Variants in NR1H4 observed in about 807,000 individuals in gnomAD.
NR1H4 encodes the protein bile acid receptor.
In NR1H4, 23 loss-of-function variants were observed where a neutral mutation model predicts 58.5. That is an observed-to-expected ratio of 0.39 (90% CI 0.28 to 0.56). The LOEUF (loss-of-function observed/expected upper bound fraction) is 0.56, where lower values mean the gene tolerates loss of function less well. Among genes scored for constraint, NR1H4 ranks in the 20% least tolerant of loss-of-function variants. The pLI is 0.58. For missense variants in NR1H4, 487 were observed against 576.9 expected, an observed-to-expected ratio of 0.84 and a Z score of 1.60; for synonymous variants, 214 against 198.0, an observed-to-expected ratio of 1.08 and a Z score of -0.68.
At position 100,496,046 on chromosome 12, in the gene NR1H4, G is replaced by A. The variant is rs1359976691; in HGVS notation, c.79+2644G>A. 2.0e-5 allele frequency among the ~76,000 whole-genome samples: 3 copies of A among 152,122 alleles called. No homozygotes were observed. The South Asian group carries it at 6.2e-4, about 32-fold the overall frequency. ...GGTTAACTGTGTATTGAAAACAGCA[G>A]TCATGTTGTTATAATAAAGGCAAAC... On this transcript the variant is annotated intron_variant, in intron 3 of 10. Coordinates refer to ENST00000392986, the MANE Select transcript of NR1H4 (RefSeq NM_001206979.2).
intron 1 of NR1H4, among the ~76,000 whole-genome samples, chr12:100,486,917 A>G (rs2136088912): frequency 6.6e-6 from 1 of 152,330 alleles, no homozygotes; most frequent in South Asian, 2.1e-4. Context: ...CTTTTTAGGT[A>G]AAGGTAATTT....
intron 1 of NR1H4, among the ~76,000 whole-genome samples, chr12:100,484,570 C>T (rs932358935): frequency 6.6e-6 from 1 of 152,154 alleles, no homozygotes. Flanking sequence ...CCTCCTTTCA[C>T]CAATACCCAA....
intron 1 of NR1H4, among the ~76,000 whole-genome samples, chr12:100,489,771 CT>C (rs988215523): frequency 6.6e-6 from 1 of 152,076 alleles, no homozygotes; most frequent in African/African-American, 2.4e-5. Context: ...GCTGGGAAGA[CT>C]TTTTTTCAGT....
At chr12:100,479,192 G>T (rs530845010) in intron 1 of NR1H4, among the ~76,000 whole-genome samples, 20 of 152,026 alleles carry the variant, frequency 1.3e-4, no homozygotes, top group African/African-American at 4.6e-4. Flanking sequence ...AGCTTTGTTT[G>T]TGATGCCTTA....
chr12:100,562,102 G>A (rs1229825768), intron 10 of NR1H4, 104 bp downstream of exon 10: 3 of 667,658 alleles, frequency 4.5e-6, no homozygotes, highest in Non-Finnish European at 8.0e-6. Context: ...TAAAGAAAAA[G>A]TAAAGTAGCC....
intron 3 of NR1H4, among the ~76,000 whole-genome samples, chr12:100,500,833 C>T (rs767304278): frequency 5.3e-5 from 8 of 152,156 alleles, no homozygotes; most frequent in Non-Finnish European, 1.2e-4. Flanking sequence ...CTTCCCCAGC[C>T]ATGCAGAACT....
intron 4 of NR1H4, among the ~76,000 whole-genome samples, chr12:100,520,229 C>T (rs768712565): frequency 2.6e-5 from 4 of 152,134 alleles, no homozygotes; most frequent in Admixed American, 6.6e-5. Flanking sequence ...AAAGGGAGCA[C>T]GGGCTTTGCG....
intron 4 of NR1H4, among the ~76,000 whole-genome samples, chr12:100,515,161 A>G (rs1164077713): frequency 1.4e-5 from 2 of 147,942 alleles, no homozygotes; most frequent in Non-Finnish European, 3.0e-5. Flanking sequence ...CCATTTTGTC[A>G]AAGCTTTTTT....
chr12:100,506,301 A>G (rs546008905), intron 3 of NR1H4, among the ~76,000 whole-genome samples: 2 of 152,250 alleles, frequency 1.3e-5, no homozygotes, highest in South Asian at 2.1e-4. Context: ...TCCCATTTTT[A>G]TAGGAGAGAT....
intron 9 of NR1H4, among the ~76,000 whole-genome samples, chr12:100,550,735 A>G (rs1299490729): frequency 9.8e-5 from 15 of 152,322 alleles, no homozygotes; most frequent in African/African-American, 3.6e-4. Context: ...TGTTCTGTCC[A>G]TTTCAAATAT....
intron 9 of NR1H4, among the ~76,000 whole-genome samples, chr12:100,548,237 C>T (rs1017944785): frequency 3.3e-5 from 5 of 150,894 alleles, no homozygotes; most frequent in East Asian, 4.0e-4. Flanking sequence ...CATGGTGGCA[C>T]GCACCTGTAG....
chr12:100,474,125 T>G (rs562805327), intron 1 of NR1H4, 66 bp downstream of exon 1: 1 of 152,290 alleles, frequency 6.6e-6, no homozygotes, highest in East Asian at 1.9e-4. Context: ...AATAGTCACT[T>G]AAAAGTTTCT....
In NR1H4 at chr12:100,540,806, AT is replaced by A; in HGVS notation, c.1068del (p.Arg357GlufsTer10). ...GCATTCTGACCTATTGGAAGAAAGA[AT>A]TCGAAATAGTGGTAAGTGATTTGGC... ...SGHSDLLEERIRNSGISDEYI... is the reference protein window; with the variant it reads ...SGHSDLLEERXRNSGISDEYI... On this transcript the variant is annotated frameshift_variant, in exon 9 of 11. Coordinates refer to ENST00000392986, the MANE Select transcript of NR1H4 (RefSeq NM_001206979.2). LOFTEE classifies it high-confidence loss of function. 6.2e-7 allele frequency: 1 copy of A among 1,614,120 alleles called. No homozygotes were observed. Among genetic ancestry groups the A allele is most frequent in the Non-Finnish European group, 8.5e-7 (1 of 1,179,980 alleles).
At chr12:100,507,616 C>A (rs566359378) in intron 3 of NR1H4, among the ~76,000 whole-genome samples, 1 of 152,214 alleles carries the variant, frequency 6.6e-6, no homozygotes, top group East Asian at 1.9e-4. Flanking sequence ...GTGTGCACCA[C>A]CAAGCCCAGC....
rs1343864208 is a variant in NR1H4, at chr12:100,564,379, C to T, written c.*890C>T. The T allele has an allele frequency of 6.6e-6, 1 of 152,142 alleles. No individual in the cohort carries two copies. The highest frequency in any genetic ancestry group is 1.5e-5 in the Non-Finnish European group (1 of 68,024). The allele number at this position is 152,142 out of a possible 1,614,324, so 9.4% of individuals were successfully genotyped here. A position where few individuals can be genotyped will look rare whatever the true frequency, so the allele number is the denominator to read the frequency against. On this transcript the variant is annotated 3_prime_UTR_variant, in exon 11 of 11. Transcript: ENST00000392986. ...CTGTTGCATTCTTCTCCCTATTATC[C>T]TTTGGTGAATACAATAAAACACCTT...
chr12:100,560,936 C>T (rs1955456253), intron 9 of NR1H4, among the ~76,000 whole-genome samples: 1 of 151,980 alleles, frequency 6.6e-6, no homozygotes, highest in Non-Finnish European at 1.5e-5. Context: ...TACCACTCAC[C>T]GAGAATGGGA....
rs772731730 is a variant in NR1H4, at chr12:100,491,641, C to T, written c.-189-862C>T. Among the ~76,000 whole-genome samples the T allele has an allele frequency of 4.2e-4, 63 of 151,542 alleles. 1 individual carries two copies. The highest frequency in any genetic ancestry group is 1.8e-4 in the Non-Finnish European group (12 of 67,944). On this transcript the variant is annotated intron_variant, in intron 1 of 10. Coordinates refer to ENST00000392986, the MANE Select transcript of NR1H4 (RefSeq NM_001206979.2). ...TAGAATGGATTTTCTCCCACCAAGC[C>T]GCTTATATTAATGGATAGTAGAGTT...
At chr12:100,555,711 G>A (rs532721425) in intron 9 of NR1H4, among the ~76,000 whole-genome samples, 3 of 152,146 alleles carry the variant, frequency 2.0e-5, no homozygotes, top group African/African-American at 7.2e-5. Flanking sequence ...TATATTACAC[G>A]TGACAACATT....
At chr12:100,481,695 A>ACT in intron 1 of NR1H4, among the ~76,000 whole-genome samples, 5 of 152,136 alleles carry the variant, frequency 3.3e-5, no homozygotes, top group African/African-American at 1.2e-4. Flanking sequence ...CTGGCAGATC[A>ACT]TGAGGTCAGG....
Sources: gnomAD v4.1 joint callset for allele counts (sites outside exome capture counted in the v4.1 genomes callset) on GRCh38, gnomAD v4.1.1 for gene constraint, MANE v1.5 for transcripts, NCBI Gene and HGNC (gene_info 2026-07-23, HGNC 2026-07-21) for gene names.